RALGAPB: variants seen among roughly 807,000 people sequenced by gnomAD.
The protein encoded by RALGAPB is Ral GTPase activating protein non-catalytic subunit beta.
RALGAPB carries 25 observed loss-of-function variants against 161.1 expected under a neutral mutation model. The ratio of observed to expected loss-of-function variants is 0.16; its 90% confidence interval spans 0.11 to 0.22. The LOEUF (loss-of-function observed/expected upper bound fraction) is 0.22. Among genes scored for constraint, RALGAPB ranks in the 10% least tolerant of loss-of-function variants. The pLI is 1.00. For synonymous variants in RALGAPB, 629 were observed against 626.1 expected, an observed-to-expected ratio of 1.00 and a Z score of -0.07; for missense variants, 1,391 against 1,815.2, an observed-to-expected ratio of 0.77 and a Z score of 4.25.
chr20:38,540,083 G>A, intron 17 of RALGAPB, 125 bp downstream of exon 17: 1 of 786,292 alleles, frequency 1.3e-6, no homozygotes, highest in Non-Finnish European at 1.9e-6. Flanking sequence ...ATACTTGTTA[G>A]ATTACAGTGG....
chr20:38,510,766 C>T lies in RALGAPB; in HGVS notation c.872+1558C>T, dbSNP rs941167280. On this transcript the variant is annotated intron_variant, in intron 6 of 29. Transcript: ENST00000262879. ...TCTACTAAAAATACAAAAAATTAGC[C>T]GGGCGTAGTGGCGGGCGCCTGTAGT... Among the ~76,000 whole-genome samples the T allele has an allele frequency of 1.6e-4, 23 of 141,272 alleles. 1 individual carries two copies. The East Asian group carries it at 1.9e-3, about 12-fold the overall frequency. 92.7% of individuals were successfully genotyped at this position (141,272 alleles called of 152,430 possible).
At position 38,525,866 on chromosome 20, in the gene RALGAPB, A is replaced by C. The variant is rs771311009; in HGVS notation, c.1903-29A>C. 5.0e-6 allele frequency: 8 copies of C among 1,607,314 alleles called. No individual in the cohort carries two copies. The African/African-American group carries it at 9.4e-5, about 19-fold the overall frequency. On this transcript the variant is annotated intron_variant, in intron 12 of 29. Coordinates refer to ENST00000262879, the MANE Select transcript of RALGAPB (RefSeq NM_020336.4). Reference sequence around the variant, plus strand: ...TGGGCATCATAAGCTGCAACAGCTGATGTTAAATATTATTTGTTTTTTCCA... The same window carrying C: ...TGGGCATCATAAGCTGCAACAGCTGCTGTTAAATATTATTTGTTTTTTCCA...
chr20:38,542,555 A>C (rs2087005379), intron 18 of RALGAPB, among the ~76,000 whole-genome samples: 2 of 152,178 alleles, frequency 1.3e-5, no homozygotes, highest in South Asian at 4.1e-4. Context: ...ACTAGAAGTA[A>C]TATAAGTTCA....
intron 28 of RALGAPB, among the ~76,000 whole-genome samples, chr20:38,573,241 A>G (rs918131325): frequency 8.5e-5 from 13 of 152,092 alleles, no homozygotes; most frequent in Non-Finnish European, 1.6e-4. Flanking sequence ...TGACAGTAAA[A>G]TGTATATTTT....
chr20:38,537,572 G>A (rs1223243888), intron 16 of RALGAPB, among the ~76,000 whole-genome samples: 1 of 152,200 alleles, frequency 6.6e-6, no homozygotes, highest in African/African-American at 2.4e-5. Flanking sequence ...AAACTGATAT[G>A]TTGGACTTCA....
intron 9 of RALGAPB, chr20:38,520,181 G>A: frequency 5.7e-6 from 3 of 530,732 alleles, no homozygotes; most frequent in Non-Finnish European, 7.2e-6. Flanking sequence ...CATCTTTAAA[G>A]TATTTTATAA....
intron 1 of RALGAPB, among the ~76,000 whole-genome samples, chr20:38,479,686 C>G (rs189378030): frequency 1.3e-5 from 2 of 152,334 alleles, no homozygotes; most frequent in East Asian, 3.9e-4. Context: ...AGAGGTTTCT[C>G]TGCTAGCAGC....
At chr20:38,500,443 G>A (rs879571077) in intron 5 of RALGAPB, among the ~76,000 whole-genome samples, 2 of 152,048 alleles carry the variant, frequency 1.3e-5, no homozygotes, top group East Asian at 1.9e-4. Flanking sequence ...AGAGTGCCAC[G>A]TACTACACCT....
At chr20:38,507,778 G>T (rs1325053393) in intron 5 of RALGAPB, among the ~76,000 whole-genome samples, 1 of 151,790 alleles carries the variant, frequency 6.6e-6, no homozygotes, top group East Asian at 1.9e-4. Flanking sequence ...GCTCATTGTA[G>T]CCTCGAACTC....
At chr20:38,481,693 CTTAA>C (rs754923749) in intron 1 of RALGAPB, among the ~76,000 whole-genome samples, 1 of 152,276 alleles carries the variant, frequency 6.6e-6, no homozygotes, top group African/African-American at 2.4e-5. Context: ...TCTTAATCTC[CTTAA>C]TTAAGCCATA....
chr20:38,565,262 A>G (rs971982494), intron 24 of RALGAPB, 97 bp from the exon 25 acceptor site: 27 of 1,377,400 alleles, frequency 2.0e-5, no homozygotes, highest in Non-Finnish European at 2.5e-5. Context: ...TATTCTATTT[A>G]TCACTTTATT....
rs1260075427 is a variant in RALGAPB, at chr20:38,577,664, C to A, written c.*2697C>A. On this transcript the variant is annotated 3_prime_UTR_variant, in exon 30 of 30. Coordinates refer to ENST00000262879, the MANE Select transcript of RALGAPB (RefSeq NM_020336.4). Reference sequence around the variant, plus strand: ...GTCTAGGGCTTCCTCTTGAGACCCTCTTCCATCCATTGGGCCTTTGAAAGG... The same window carrying A: ...GTCTAGGGCTTCCTCTTGAGACCCTATTCCATCCATTGGGCCTTTGAAAGG... 1 of 152,196 alleles carries A rather than the reference C, an allele frequency of 6.6e-6. No homozygotes were observed. 9.4% of individuals were successfully genotyped at this position (152,196 alleles called of 1,614,324 possible).
Position 38,532,820 on chromosome 20 carries a change from G to C in RALGAPB, c.2206G>C (p.Asp736His), listed in dbSNP as rs768332368. Reference sequence around the variant, plus strand: ...TGGAAGCACGGAGCCCACGACTCCCGATAGTGAGAGACCTGCTCAAGCTCT... The same window carrying C: ...TGGAAGCACGGAGCCCACGACTCCCCATAGTGAGAGACCTGCTCAAGCTCT... ...SGGSTEPTTP[D>H]SERPAQALLR... The change falls in exon 15 of 30, where the codon GAT becomes CAT. Residue 736 changes from aspartate (D) to histidine (H), a missense_variant. Asp to His is a moderately conservative substitution (Grantham distance 81). Transcript: ENST00000262879. 18 of 1,614,066 alleles carry C rather than the reference G, an allele frequency of 1.1e-5. No homozygotes were observed. The highest frequency in any genetic ancestry group is 1.4e-5 in the Non-Finnish European group (17 of 1,180,028).
At chr20:38,514,125 T>C (rs1047378242) in intron 6 of RALGAPB, among the ~76,000 whole-genome samples, 11 of 152,238 alleles carry the variant, frequency 7.2e-5, no homozygotes, top group Non-Finnish European at 1.2e-4. Context: ...TATGTGAAGA[T>C]AGAGCAGTCT....
At position 38,535,733 on chromosome 20, in the gene RALGAPB, C is replaced by T. The variant is rs529551643; in HGVS notation, c.2379+526C>T. Among the ~76,000 whole-genome samples, 228 of 152,210 alleles carry T rather than the reference C, an allele frequency of 1.5e-3. 1 individual carries two copies. Among genetic ancestry groups the T allele is most frequent in the African/African-American group, 5.2e-3 (217 of 41,550 alleles). ...CCAACTAGCTGGGATTACAGGCATACGCCATCACAGCCAGCTAATTTTTGT... is the reference window on the plus strand; with the variant it reads ...CCAACTAGCTGGGATTACAGGCATATGCCATCACAGCCAGCTAATTTTTGT... On this transcript the variant is annotated intron_variant, in intron 16 of 29. Coordinates refer to ENST00000262879, the MANE Select transcript of RALGAPB (RefSeq NM_020336.4).
rs139672234 is a variant in RALGAPB at position 38,476,073 on chromosome 20, G to T, written c.-31+3004G>T. On this transcript the variant is annotated intron_variant, in intron 1 of 29. Coordinates refer to ENST00000262879, the MANE Select transcript of RALGAPB (RefSeq NM_020336.4). Reference sequence around the variant, plus strand: ...AAACTTGTCCTTGTGTGTCTGATCAGATAGGGACACAGTATCCAGTTCTTG... The same window carrying T: ...AAACTTGTCCTTGTGTGTCTGATCATATAGGGACACAGTATCCAGTTCTTG... 3.3e-4 allele frequency among the ~76,000 whole-genome samples: 50 copies of T among 152,344 alleles called. 1 individual carries two copies. In the East Asian group the frequency reaches 9.6e-3, roughly 29 times the overall value.
chr20:38,488,907 A>G (rs1038096734), intron 2 of RALGAPB, among the ~76,000 whole-genome samples: 1 of 152,214 alleles, frequency 6.6e-6, no homozygotes, highest in African/African-American at 2.4e-5. Flanking sequence ...GCTGAAGGCC[A>G]AGACAAAGAC....
At chr20:38,480,741 C>A (rs1340718463) in intron 1 of RALGAPB, among the ~76,000 whole-genome samples, 2 of 129,470 alleles carry the variant, frequency 1.5e-5, no homozygotes, top group East Asian at 2.3e-4. Flanking sequence ...CCCCGCCCCC[C>A]CCTTTTTTTT....
chr20:38,552,119 C>T (rs749055148), intron 21 of RALGAPB, among the ~76,000 whole-genome samples: 28 of 147,480 alleles, frequency 1.9e-4, no homozygotes, highest in Non-Finnish European at 3.3e-4. Flanking sequence ...GAAATGGCCT[C>T]GTTAAGGAAA....
Sources: gnomAD v4.1 joint callset for allele counts (sites outside exome capture counted in the v4.1 genomes callset) on GRCh38, gnomAD v4.1.1 for gene constraint, MANE v1.5 for transcripts, NCBI Gene and HGNC (gene_info 2026-07-23, HGNC 2026-07-21) for gene names.